The following POU6F2 variants were observed in gnomAD, a reference collection of about 807,000 sequenced individuals.
POU6F2 encodes POU class 6 homeobox 2, also known as POU domain, class 6, transcription factor 2.
POU6F2 carries 31 observed loss-of-function variants against 71.3 expected under a neutral mutation model. The observed-to-expected ratio is 0.43, with a 90% CI of 0.33 to 0.59. The LOEUF is 0.59. Among genes scored for constraint, POU6F2 ranks in the 20% least tolerant of loss-of-function variants. The probability of loss-of-function intolerance (pLI) is 0.04; values close to 1 mark genes in which losing one functional copy is unlikely to be tolerated. For synonymous variants in POU6F2, 347 were observed against 355.7 expected, an observed-to-expected ratio of 0.98 and a Z score of 0.27; for missense variants, 783 against 856.8, an observed-to-expected ratio of 0.91 and a Z score of 1.07.
At chr7:39,211,739 T>C (rs1227398708) in intron 4 of POU6F2, among the ~76,000 whole-genome samples, 1 of 152,186 alleles carries the variant, frequency 6.6e-6, no homozygotes, top group African/African-American at 2.4e-5. Context: ...CATTAGAGCA[T>C]CCAGCAAACC....
chr7:39,447,688 G>C (rs916604348), intron 7 of POU6F2, among the ~76,000 whole-genome samples: 3 of 152,078 alleles, frequency 2.0e-5, no homozygotes, highest in African/African-American at 7.2e-5. Context: ...CTTTATAGAA[G>C]CATCTAAGTT....
At position 39,015,924 on chromosome 7, in the gene POU6F2, GATATATA is replaced by G. The variant is rs1444047240; in HGVS notation, c.105+37867_105+37873del. On this transcript the variant is annotated intron_variant, in intron 1 of 9. Coordinates refer to ENST00000518318, the MANE Select transcript of POU6F2 (RefSeq NM_001370959.1). ...AGATATATATTATATATTATATATA[GATATATA>G]TAATATATAGATATATATTATATAT... Among the ~76,000 whole-genome samples the G allele has an allele frequency of 1.8e-3, 61 of 33,112 alleles. 7 individuals carry two copies. Among genetic ancestry groups the G allele is most frequent in the East Asian group, 6.1e-3 (3 of 488 alleles). The allele number at this position is 33,112 out of a possible 152,430, so 21.7% of individuals were successfully genotyped here.
At chr7:39,440,357 A>G (rs537086655) in intron 7 of POU6F2, among the ~76,000 whole-genome samples, 1 of 152,090 alleles carries the variant, frequency 6.6e-6, no homozygotes, top group African/African-American at 2.4e-5. Context: ...GAAGTCCCGT[A>G]TTTCTTGGAG....
chr7:39,071,563 C>T (rs1370483450), intron 1 of POU6F2, among the ~76,000 whole-genome samples: 1 of 151,792 alleles, frequency 6.6e-6, no homozygotes, highest in East Asian at 1.9e-4. Flanking sequence ...CCTGTAATCC[C>T]AGCACTTTGG....
At chr7:39,422,555 A>G (rs987030928) in intron 6 of POU6F2, among the ~76,000 whole-genome samples, 3 of 152,198 alleles carry the variant, frequency 2.0e-5, no homozygotes, top group African/African-American at 7.2e-5. Context: ...AGCGTGATGG[A>G]GCTGTGCCAT....
chr7:39,322,544 A>T (rs916019352), intron 4 of POU6F2, among the ~76,000 whole-genome samples: 1 of 152,222 alleles, frequency 6.6e-6, no homozygotes. Context: ...GTTTATCCAG[A>T]TAACCTTTCA....
chr7:39,464,044 G>C lies in POU6F2; in HGVS notation c.1659-138G>C. ...ACGCTGGGAGGGTGGGCGCTGGCTT[G>C]GGCAGGGCTGGCTACCTTGCAGCTG... is the stretch of plus-strand genomic sequence containing the variant. On this transcript the variant is annotated intron_variant, in intron 9 of 9. Transcript: ENST00000518318. This position sits in a 1 kb window ranked among gnomAD's most constrained non-coding sequence, Gnocchi z 4.1. 1 of 1,139,462 alleles carries C rather than the reference G, an allele frequency of 8.8e-7. No homozygotes were observed. The highest frequency in any genetic ancestry group is 2.4e-5 in the East Asian group (1 of 42,332). 70.6% of individuals were successfully genotyped at this position (1,139,462 alleles called of 1,614,324 possible).
At chr7:39,160,459 C>T (rs557545794) in intron 2 of POU6F2, among the ~76,000 whole-genome samples, 1 of 152,246 alleles carries the variant, frequency 6.6e-6, no homozygotes, top group East Asian at 1.9e-4. Context: ...CAGTCCGCAC[C>T]TATGATTCTC....
intron 1 of POU6F2, among the ~76,000 whole-genome samples, chr7:39,039,476 A>C (rs1315454067): frequency 4.6e-5 from 7 of 152,020 alleles, no homozygotes. Flanking sequence ...ATTCACTTAA[A>C]GAAAAAAAGA....
chr7:39,153,019 T>G (rs1360011780), intron 2 of POU6F2, among the ~76,000 whole-genome samples: 1 of 152,194 alleles, frequency 6.6e-6, no homozygotes, highest in Non-Finnish European at 1.5e-5. Flanking sequence ...TCGCTTACGC[T>G]TACTCAAGTG....
intron 4 of POU6F2, among the ~76,000 whole-genome samples, chr7:39,233,067 T>C (rs977197258): frequency 6.6e-6 from 1 of 152,092 alleles, no homozygotes; most frequent in Non-Finnish European, 1.5e-5. Flanking sequence ...GTGCAATTTA[T>C]TAATTAATTC....
chr7:39,304,686 T>C (rs1333851628), intron 4 of POU6F2, among the ~76,000 whole-genome samples: 6 of 152,304 alleles, frequency 3.9e-5, no homozygotes. Flanking sequence ...TAATGCCCCA[T>C]GCAAGCTGAG....
At chr7:38,992,967 T>C (rs941933363) in intron 1 of POU6F2, among the ~76,000 whole-genome samples, 1 of 152,186 alleles carries the variant, frequency 6.6e-6, no homozygotes, top group Non-Finnish European at 1.5e-5. Flanking sequence ...ACAAAGTTAA[T>C]GAATAATAAA....
intron 1 of POU6F2, among the ~76,000 whole-genome samples, chr7:39,070,632 G>C (rs555643228): frequency 6.6e-6 from 1 of 151,616 alleles, no homozygotes; most frequent in African/African-American, 2.4e-5. Flanking sequence ...GCACTAAACA[G>C]GCCTCCAGCG....
intron 6 of POU6F2, among the ~76,000 whole-genome samples, chr7:39,420,201 G>A (rs968715628): frequency 6.6e-6 from 1 of 152,186 alleles, no homozygotes; most frequent in African/African-American, 2.4e-5. Context: ...TAGAATGGAA[G>A]CCTTCTTTAT....
chr7:39,263,839 A>G (rs1238094906), intron 4 of POU6F2, among the ~76,000 whole-genome samples: 1 of 152,158 alleles, frequency 6.6e-6, no homozygotes, highest in African/African-American at 2.4e-5. Context: ...AACTGTTTTT[A>G]CTTCACTGTT....
chr7:39,104,902 A>T (rs943186909), intron 2 of POU6F2, among the ~76,000 whole-genome samples: 5 of 152,236 alleles, frequency 3.3e-5, no homozygotes, highest in Non-Finnish European at 7.3e-5. Flanking sequence ...GTTAAATGGG[A>T]GATAATGTCT....
intron 1 of POU6F2, among the ~76,000 whole-genome samples, chr7:39,012,021 G>A (rs1789306472): frequency 6.6e-6 from 1 of 152,064 alleles, no homozygotes; most frequent in Admixed American, 6.6e-5. Context: ...CTCTTCTCGA[G>A]GAGTATCTTT....
intron 1 of POU6F2, among the ~76,000 whole-genome samples, chr7:38,980,295 G>A (rs1788284133): frequency 1.3e-5 from 2 of 152,160 alleles, no homozygotes; most frequent in South Asian, 4.1e-4. Context: ...GTACAAACTA[G>A]AATGCTGATT....
Sources: gnomAD v4.1 joint callset for allele counts (sites outside exome capture counted in the v4.1 genomes callset) on GRCh38, gnomAD v4.1.1 for gene constraint, Gnocchi (gnomAD v3.1) non-coding constraint, MANE v1.5 for transcripts, NCBI Gene and HGNC (gene_info 2026-07-23, HGNC 2026-07-21) for gene names.